The following PARVB variants were observed in gnomAD, a reference collection of about 807,000 sequenced individuals.
The protein encoded by PARVB is parvin beta.
A neutral mutation model predicts 47.0 loss-of-function variants in PARVB; 46 were observed. The observed-to-expected ratio is 0.98, with a 90% CI of 0.77 to 1.25. The LOEUF (loss-of-function observed/expected upper bound fraction) is 1.25. Ranked by LOEUF, PARVB falls within the 50% of genes most tolerant of loss-of-function variation. The pLI is 0.00. For missense variants in PARVB, 473 were observed against 471.6 expected, an observed-to-expected ratio of 1.00 and a Z score of -0.03; for synonymous variants, 196 against 196.3, an observed-to-expected ratio of 1.00 and a Z score of 0.01.
At chr22:44,078,405 T>A (rs1342735801) in intron 1 of PARVB, among the ~76,000 whole-genome samples, 1 of 152,170 alleles carries the variant, frequency 6.6e-6, no homozygotes, top group Non-Finnish European at 1.5e-5. Flanking sequence ...TCCCCTCTTC[T>A]CTGCCACCAT....
intron 1 of PARVB, among the ~76,000 whole-genome samples, chr22:44,082,080 C>T (rs1355255484): frequency 2.6e-5 from 4 of 151,848 alleles, no homozygotes; most frequent in Non-Finnish European, 5.9e-5. Context: ...GGTGAGGGGC[C>T]GAGAAAACGG....
intron 1 of PARVB, among the ~76,000 whole-genome samples, chr22:44,046,781 G>A (rs2051119964): frequency 6.6e-6 from 1 of 152,256 alleles, no homozygotes; most frequent in Non-Finnish European, 1.5e-5. Flanking sequence ...TGTGTTCAAA[G>A]TTCAGCACAG....
At chr22:43,999,233 C>T (rs1389504723) in exon 1 of PARVB, 2 of 861,782 alleles carry the variant, frequency 2.3e-6, no homozygotes, top group East Asian at 2.6e-5. Flanking sequence ...ACTTTGACGT[C>T]CTCCCCATCT....
chr22:44,018,148 TC>T (rs1428377863), intron 2 of PARVB, among the ~76,000 whole-genome samples: 1 of 152,026 alleles, frequency 6.6e-6, no homozygotes, highest in African/African-American at 2.4e-5. Flanking sequence ...ACACCTATAC[TC>T]CCAGCATTTT....
intron 11 of PARVB, 146 bp from the exon 12 acceptor site, chr22:44,163,712 G>A: frequency 1.7e-6 from 1 of 594,008 alleles, no homozygotes; most frequent in Non-Finnish European, 2.8e-6. Flanking sequence ...TGCCCACCCT[G>A]TGGCCCGCCC....
intron 1 of PARVB, among the ~76,000 whole-genome samples, chr22:44,058,830 C>T (rs984859599): frequency 2.6e-5 from 4 of 152,098 alleles, no homozygotes; most frequent in African/African-American, 9.7e-5. Flanking sequence ...GCTGGGATTA[C>T]AGGCATGAGC....
intron 8 of PARVB, chr22:44,143,485 G>T (rs1200917741): frequency 6.6e-6 from 1 of 152,378 alleles, no homozygotes; most frequent in Non-Finnish European, 1.5e-5. Flanking sequence ...GCTGGGGGCA[G>T]ATGTTTTAGG....
chr22:44,028,875 C>T (rs970128233), intron 1 of PARVB, among the ~76,000 whole-genome samples: 3 of 152,322 alleles, frequency 2.0e-5, no homozygotes, highest in East Asian at 3.9e-4. Flanking sequence ...TCGCATTTCC[C>T]TGATGAGGTA....
At chr22:44,153,773 G>A (rs760989) in intron 10 of PARVB, 3 of 151,982 alleles carry the variant, frequency 2.0e-5, no homozygotes, top group East Asian at 3.9e-4. Context: ...TCCCTTGCTC[G>A]ATCTATCGGT....
rs753644621 is a variant in PARVB at position 44,147,959 on chromosome 22, T to C, written c.774+37T>C. 7 of 1,571,452 alleles carry C rather than the reference T, an allele frequency of 4.5e-6. No homozygotes were observed. The Admixed American group carries it at 1.2e-4, about 26-fold the overall frequency. ...GTGGGATGTTGGATGTGCTCTCCCC[T>C]GGCTCGCGGCTTTTTGACAGCACAA... On this transcript the variant is annotated intron_variant, in intron 9 of 12. Transcript: ENST00000338758.
At chr22:44,072,418 C>T (rs1434829586) in intron 1 of PARVB, among the ~76,000 whole-genome samples, 2 of 152,128 alleles carry the variant, frequency 1.3e-5, no homozygotes, top group Admixed American at 6.6e-5. Flanking sequence ...AGTTTGCCCT[C>T]AGGACTTCAG....
At chr22:44,086,864 T>C in intron 1 of PARVB, 2 of 980,318 alleles carry the variant, frequency 2.0e-6, no homozygotes, top group Non-Finnish European at 2.4e-6. Flanking sequence ...TGTCATTTCC[T>C]GGCAGAGGCC....
chr22:44,058,982 G>C lies in PARVB; in HGVS notation c.112+34531G>C, dbSNP rs183761543. Among the ~76,000 whole-genome samples the C allele has an allele frequency of 2.0e-4, 14 of 71,686 alleles. 1 individual carries two copies. The highest frequency in any genetic ancestry group is 0.02 in the Middle Eastern group (2 of 102). 47.0% of individuals were successfully genotyped at this position (71,686 alleles called of 152,430 possible). Reference sequence around the variant, plus strand: ...TACTTTCATAGATGAGGGTGTGATGGGGGGGGGAAACAGAAGCAGAGTTGA... The same window carrying C: ...TACTTTCATAGATGAGGGTGTGATGCGGGGGGGAAACAGAAGCAGAGTTGA... On this transcript the variant is annotated intron_variant, in intron 1 of 12. Transcript: ENST00000338758.
Position 44,157,976 on chromosome 22 carries a change from C to A in PARVB, c.844-6C>A. On this transcript the variant is annotated splice_polypyrimidine_tract_variant and splice_region_variant and intron_variant, in intron 10 of 12. Coordinates refer to ENST00000338758, the MANE Select transcript of PARVB (RefSeq NM_013327.5). ...GCCCGGAAACATCACAAGTCTTTCTCTGCAGTTTGCAGATGGCGTGTACCT... is the reference window on the plus strand; with the variant it reads ...GCCCGGAAACATCACAAGTCTTTCTATGCAGTTTGCAGATGGCGTGTACCT... The A allele has an allele frequency of 6.2e-7, 1 of 1,607,704 alleles. No individual in the cohort carries two copies. The highest frequency in any genetic ancestry group is 1.3e-5 in the African/African-American group (1 of 74,894).
At chr22:44,004,162 A>G (rs2050440300) in intron 2 of PARVB, among the ~76,000 whole-genome samples, 1 of 152,194 alleles carries the variant, frequency 6.6e-6, no homozygotes, top group Non-Finnish European at 1.5e-5. Context: ...GATGTTTGCC[A>G]AAGACATCAC....
chr22:44,097,260 A>T (rs1347436601), intron 2 of PARVB, among the ~76,000 whole-genome samples: 2 of 152,218 alleles, frequency 1.3e-5, no homozygotes, highest in Admixed American at 1.3e-4. Flanking sequence ...GGCACTTGGC[A>T]GTGAGGGTTC....
At chr22:44,140,618 A>G (rs543841189) in intron 8 of PARVB, 11 of 519,012 alleles carry the variant, frequency 2.1e-5, no homozygotes, top group African/African-American at 1.9e-4. Flanking sequence ...GCCAGGGCTC[A>G]TTCCTGGCTG....
At chr22:44,166,810 G>T (rs554607758) in intron 12 of PARVB, among the ~76,000 whole-genome samples, 18 of 152,386 alleles carry the variant, frequency 1.2e-4, no homozygotes, top group Admixed American at 5.2e-4. Flanking sequence ...ATGAATGAGA[G>T]ACTTTTCCTT....
intron 8 of PARVB, chr22:44,140,359 G>T: frequency 1.4e-6 from 1 of 707,630 alleles, no homozygotes; most frequent in Non-Finnish European, 2.6e-6. Context: ...GGTTGTGCTA[G>T]GAGGAGTGGG....
Sources: gnomAD v4.1 joint callset for allele counts (sites outside exome capture counted in the v4.1 genomes callset) on GRCh38, gnomAD v4.1.1 for gene constraint, MANE v1.5 for transcripts, NCBI Gene and HGNC (gene_info 2026-07-23, HGNC 2026-07-21) for gene names.